CACNA2D3: variants seen among roughly 807,000 people sequenced by gnomAD.
CACNA2D3 encodes the protein calcium voltage-gated channel auxiliary subunit alpha2delta 3.
CACNA2D3 carries 60 observed loss-of-function variants against 160.6 expected under a neutral mutation model. The ratio of observed to expected loss-of-function variants is 0.37; its 90% confidence interval spans 0.30 to 0.46. The LOEUF is 0.46. CACNA2D3 is among the 20% of genes least tolerant of loss of function. The pLI, the probability that CACNA2D3 is intolerant of heterozygous loss-of-function variation, is 1.00. For synonymous variants in CACNA2D3, 558 were observed against 492.9 expected, an observed-to-expected ratio of 1.13 and a Z score of -1.75; for missense variants, 1,205 against 1,365.0, an observed-to-expected ratio of 0.88 and a Z score of 1.85.
intron 13 of CACNA2D3, among the ~76,000 whole-genome samples, chr3:54,773,452 A>G (rs1024250109): frequency 3.3e-5 from 5 of 152,232 alleles, no homozygotes; most frequent in Non-Finnish European, 5.9e-5. Context: ...GGAACAGAGA[A>G]TGCCATCTGC....
chr3:54,381,283 G>A (rs1443923218), intron 3 of CACNA2D3, among the ~76,000 whole-genome samples: 1 of 151,922 alleles, frequency 6.6e-6, no homozygotes, highest in South Asian at 2.1e-4. Flanking sequence ...ATCCATAATT[G>A]TCCCTACCGC....
intron 11 of CACNA2D3, among the ~76,000 whole-genome samples, chr3:54,646,180 C>CCTTGCT (rs1699640019): frequency 3.3e-5 from 1 of 30,142 alleles, no homozygotes; most frequent in Non-Finnish European, 6.5e-5. Flanking sequence ...CCCTCCCTCC[C>CCTTGCT]TCCCTCCTTC....
At chr3:54,523,830 C>A (rs945508972) in intron 5 of CACNA2D3, among the ~76,000 whole-genome samples, 1 of 151,820 alleles carries the variant, frequency 6.6e-6, no homozygotes, top group Admixed American at 6.6e-5. Flanking sequence ...CCTTTTATTT[C>A]TGTAAAGTTG....
At chr3:54,896,215 G>C (rs1019655636) in intron 25 of CACNA2D3, among the ~76,000 whole-genome samples, 1 of 152,186 alleles carries the variant, frequency 6.6e-6, no homozygotes, top group African/African-American at 2.4e-5. Context: ...GGCATGAGCA[G>C]GCCTGTTTGT....
chr3:54,958,665 G>A (rs955450013), intron 27 of CACNA2D3, among the ~76,000 whole-genome samples: 1 of 152,112 alleles, frequency 6.6e-6, no homozygotes, highest in Non-Finnish European at 1.5e-5. Flanking sequence ...AGGTGGCCTT[G>A]GTCCCAGTCC....
intron 2 of CACNA2D3, among the ~76,000 whole-genome samples, chr3:54,241,282 C>T (rs909276505): frequency 4.6e-5 from 7 of 152,158 alleles, no homozygotes; most frequent in Non-Finnish European, 1.0e-4. Flanking sequence ...GGGCTCCCTG[C>T]GTGTTGGGCA....
chr3:54,918,858 T>C, intron 27 of CACNA2D3: 1 of 1,566,020 alleles, frequency 6.4e-7, no homozygotes, highest in African/African-American at 1.4e-5. Flanking sequence ...TCCAGGTGTC[T>C]GGTGATTCAC....
intron 3 of CACNA2D3, among the ~76,000 whole-genome samples, chr3:54,362,500 G>C (rs1217617202): frequency 6.6e-6 from 1 of 152,112 alleles, no homozygotes; most frequent in Non-Finnish European, 1.5e-5. Context: ...CACGGGCCCT[G>C]CCCACACTCC....
intron 3 of CACNA2D3, among the ~76,000 whole-genome samples, chr3:54,371,758 G>T (rs1211132499): frequency 1.3e-5 from 2 of 152,172 alleles, no homozygotes; most frequent in Admixed American, 6.5e-5. Context: ...AGAAACTTCT[G>T]TCACTTTATT....
chr3:54,360,824 A>C (rs1698729097), intron 3 of CACNA2D3, among the ~76,000 whole-genome samples: 1 of 151,840 alleles, frequency 6.6e-6, no homozygotes. Context: ...CAACCCCATC[A>C]CTCCCAGAAG....
intron 14 of CACNA2D3, among the ~76,000 whole-genome samples, chr3:54,817,606 G>A (rs934040157): frequency 3.9e-5 from 6 of 152,160 alleles, no homozygotes; most frequent in African/African-American, 1.4e-4. Flanking sequence ...CAATTTCTGG[G>A]GGCCAGATGT....
intron 12 of CACNA2D3, among the ~76,000 whole-genome samples, chr3:54,758,641 G>A (rs946230688): frequency 1.3e-5 from 2 of 152,128 alleles, no homozygotes; most frequent in African/African-American, 4.8e-5. Context: ...TATTGGGAGC[G>A]TCTTCCAAGA....
At chr3:54,564,167 A>C (rs7433850) in intron 6 of CACNA2D3, among the ~76,000 whole-genome samples, 4 of 151,912 alleles carry the variant, frequency 2.6e-5, no homozygotes, top group Non-Finnish European at 5.9e-5. Flanking sequence ...CCGTCTCGCT[A>C]TGCGGCACTG....
At chr3:54,483,507 C>T (rs1001988322) in intron 4 of CACNA2D3, among the ~76,000 whole-genome samples, 4 of 152,182 alleles carry the variant, frequency 2.6e-5, no homozygotes, top group African/African-American at 9.7e-5. Flanking sequence ...AGAGTTTATC[C>T]GTTTTCTCCA....
At chr3:54,532,875 A>G (rs1052586078) in intron 5 of CACNA2D3, among the ~76,000 whole-genome samples, 2 of 152,178 alleles carry the variant, frequency 1.3e-5, no homozygotes, top group Non-Finnish European at 2.9e-5. Flanking sequence ...AGAAATTTTC[A>G]TACTGTTTTC....
At chr3:54,479,765 T>C (rs149319458) in intron 4 of CACNA2D3, among the ~76,000 whole-genome samples, 230 of 152,326 alleles carry the variant, frequency 1.5e-3, no homozygotes, top group African/African-American at 4.4e-3. Context: ...ATCAAATATG[T>C]GGCCAAACAC....
chr3:54,770,383 C>G (rs967816893), intron 13 of CACNA2D3, among the ~76,000 whole-genome samples: 5 of 152,180 alleles, frequency 3.3e-5, no homozygotes, highest in Admixed American at 3.3e-4. Context: ...ATAAGCGATT[C>G]TGACGATTCA....
intron 4 of CACNA2D3, among the ~76,000 whole-genome samples, chr3:54,407,992 T>C (rs796435580): frequency 1.1e-4 from 16 of 152,214 alleles, no homozygotes; most frequent in African/African-American, 3.9e-4. Context: ...AATGGCCTCC[T>C]GTGTATCAGG....
chr3:54,926,505 T>TACACACACAC (rs36205023), intron 27 of CACNA2D3, among the ~76,000 whole-genome samples: 17 of 143,408 alleles, frequency 1.2e-4, no homozygotes, highest in South Asian at 1.2e-3. Context: ...GCCTGTCAAA[T>TACACACACAC]ACACACACAC....
Sources: allele counts gnomAD v4.1 joint callset (sites outside exome capture counted in the v4.1 genomes callset), GRCh38; gene constraint gnomAD v4.1.1; transcripts MANE v1.5; gene names NCBI Gene and HGNC (gene_info 2026-07-23, HGNC 2026-07-21).